Variants in CNTN1 observed in about 807,000 individuals in gnomAD.
The protein encoded by CNTN1 is contactin-1.
In CNTN1, 38 loss-of-function variants were observed where a neutral mutation model predicts 126.4. The ratio of observed to expected loss-of-function variants is 0.30; its 90% CI spans 0.23 to 0.39. CNTN1 has a LOEUF of 0.39. CNTN1 is among the 10% of genes least tolerant of loss of function. The pLI is 1.00. For synonymous variants in CNTN1, 413 were observed against 422.6 expected (o/e 0.98, Z 0.28); for missense variants, 1,009 against 1,248.4 (o/e 0.81, Z 2.89).
intron 23 of CNTN1, among the ~76,000 whole-genome samples, chr12:41,038,777 G>C (rs1322722198): frequency 6.6e-6 from 1 of 152,068 alleles, no homozygotes; most frequent in African/African-American, 2.4e-5. Flanking sequence ...ATAAAGTTTT[G>C]TCAGATAGTG....
intron 9 of CNTN1, among the ~76,000 whole-genome samples, chr12:40,935,496 A>T (rs1303427254): frequency 6.6e-6 from 1 of 152,120 alleles, no homozygotes; most frequent in Non-Finnish European, 1.5e-5. Context: ...AGGTCTGATC[A>T]CATCACTAGA....
chr12:41,059,248 C>T (rs1034809488), intron 23 of CNTN1, among the ~76,000 whole-genome samples: 4 of 152,010 alleles, frequency 2.6e-5, no homozygotes, highest in Non-Finnish European at 4.4e-5. Context: ...ACAGGTGAAT[C>T]ACTCATTTGT....
At chr12:41,056,811 A>G (rs1408219146) in intron 23 of CNTN1, among the ~76,000 whole-genome samples, 3 of 150,282 alleles carry the variant, frequency 2.0e-5, no homozygotes, top group African/African-American at 7.3e-5. Flanking sequence ...CCAATTATAT[A>G]GTCCAATTAA....
intron 1 of CNTN1, among the ~76,000 whole-genome samples, chr12:40,876,153 A>T (rs1008615853): frequency 6.6e-6 from 1 of 151,388 alleles, no homozygotes; most frequent in South Asian, 2.1e-4. Context: ...AAAAAAAAAA[A>T]CCCAGAAAAC....
intron 23 of CNTN1, among the ~76,000 whole-genome samples, chr12:41,034,756 C>T (rs917704208): frequency 1.3e-5 from 2 of 152,162 alleles, no homozygotes; most frequent in Non-Finnish European, 2.9e-5. Context: ...TGAATCATGA[C>T]TAATCACTCA....
chr12:40,765,051 TTTATA>T (rs1330834280), intron 1 of CNTN1, among the ~76,000 whole-genome samples: 4 of 151,422 alleles, frequency 2.6e-5, no homozygotes, highest in African/African-American at 7.2e-5. Flanking sequence ...GGTACAATAT[TTTATA>T]TTATATATAT....
At chr12:40,704,907 A>C (rs1280657757) in intron 1 of CNTN1, among the ~76,000 whole-genome samples, 1 of 152,186 alleles carries the variant, frequency 6.6e-6, no homozygotes, top group Non-Finnish European at 1.5e-5. Context: ...ACTGACCTAA[A>C]TGATTGTTAG....
chr12:40,935,111 T>A (rs939155899), intron 9 of CNTN1, among the ~76,000 whole-genome samples: 1 of 152,036 alleles, frequency 6.6e-6, no homozygotes, highest in Non-Finnish European at 1.5e-5. Context: ...AGACACACTC[T>A]GTACCCTGAA....
rs56852774 is a variant in CNTN1 at position 40,947,782 on chromosome 12, TACACACACACACACAC to T, written c.1683+3644_1683+3659del. On this transcript the variant is annotated intron_variant, in intron 14 of 23. Transcript: ENST00000551295. ...ACTATTTCATATATATATATATATA[TACACACACACACACAC>T]ACACACACACACACACACACACACA... 6.7e-5 allele frequency among the ~76,000 whole-genome samples: 8 copies of T among 118,920 alleles called. No homozygotes were observed. The East Asian group carries it at 6.9e-4, about 10-fold the overall frequency. The allele number at this position is 118,920 out of a possible 152,430, so 78.0% of individuals were successfully genotyped here.
chr12:40,797,290 C>T (rs937519827), intron 1 of CNTN1, among the ~76,000 whole-genome samples: 9 of 152,064 alleles, frequency 5.9e-5, no homozygotes, highest in Non-Finnish European at 8.8e-5. Context: ...CACAGGACAC[C>T]TAACCTATCC....
intron 15 of CNTN1, among the ~76,000 whole-genome samples, chr12:40,965,674 A>G (rs1003899857): frequency 6.6e-6 from 1 of 152,150 alleles, no homozygotes; most frequent in Admixed American, 6.6e-5. Context: ...GACCTTGGAT[A>G]TTAGTGAGGG....
chr12:40,718,118 A>G (rs1395846443), intron 1 of CNTN1, among the ~76,000 whole-genome samples: 1 of 152,138 alleles, frequency 6.6e-6, no homozygotes, highest in Non-Finnish European at 1.5e-5. Context: ...ATTTGAAACC[A>G]AGAACATGCT....
rs747622294 is a variant in CNTN1, at chr12:40,959,146, T to C, written c.1716T>C (p.Asn572=). The C allele has an allele frequency of 6.8e-6, 11 of 1,612,688 alleles. No individual in the cohort carries two copies. The highest frequency in any genetic ancestry group is 6.6e-5 in the South Asian group (6 of 91,068). The change falls in exon 15 of 24, where the codon AAT becomes AAC. Residue 572 remains asparagine, a synonymous_variant. Transcript: ENST00000551295. Reference sequence around the variant, plus strand: ...CCAATGGGGAATTACTAATCCGAAATGCGCAGCTGAAACATGCTGGAAGAT... The same window carrying C: ...CCAATGGGGAATTACTAATCCGAAACGCGCAGCTGAAACATGCTGGAAGAT... ...LDSNGELLIR[N]AQLKHAGRYT... is the part of the protein sequence containing the mutation.
At chr12:41,029,862 C>T (rs539835474) in intron 23 of CNTN1, among the ~76,000 whole-genome samples, 6 of 151,862 alleles carry the variant, frequency 4.0e-5, no homozygotes, top group Non-Finnish European at 7.4e-5. Flanking sequence ...ATTTCTCACA[C>T]CTTTGTTTGA....
chr12:40,743,113 T>C (rs1162526610), intron 1 of CNTN1, among the ~76,000 whole-genome samples: 3 of 152,032 alleles, frequency 2.0e-5, no homozygotes, highest in African/African-American at 7.2e-5. Context: ...TTGTGAAGGA[T>C]GTCTAGGGAG....
In CNTN1 at chr12:40,985,857, GTGTC is replaced by G. The variant is rs1231806613; in HGVS notation, c.1963+4794_1963+4797del. ...TCCACAGATAATGGACAGTGTGTGT[GTGTC>G]TGTGTGTGTGTGTGTGCACGCACGC... On this transcript the variant is annotated intron_variant, in intron 16 of 23. Transcript: ENST00000551295. 2.6e-5 allele frequency among the ~76,000 whole-genome samples: 4 copies of G among 152,162 alleles called. No individual in the cohort carries two copies. The South Asian group carries it at 8.3e-4, about 32-fold the overall frequency.
chr12:40,963,344 GTTTA>G (rs1395490020), intron 15 of CNTN1, among the ~76,000 whole-genome samples: 2 of 151,932 alleles, frequency 1.3e-5, no homozygotes, highest in African/African-American at 2.4e-5. Context: ...TTTAGTGAAA[GTTTA>G]TTTTTTTCCT....
At chr12:41,061,849 C>G (rs1290379962) in intron 23 of CNTN1, 3 of 455,286 alleles carry the variant, frequency 6.6e-6, no homozygotes, top group African/African-American at 6.0e-5. Flanking sequence ...TTCTCTGTTG[C>G]TAAAGTTATA....
At chr12:40,758,568 C>T (rs1201253037) in intron 1 of CNTN1, among the ~76,000 whole-genome samples, 1 of 152,062 alleles carries the variant, frequency 6.6e-6, no homozygotes, top group African/African-American at 2.4e-5. Flanking sequence ...TTTTGCATCC[C>T]AGCAAACTGT....
Sources: allele counts gnomAD v4.1 joint callset (sites outside exome capture counted in the v4.1 genomes callset), GRCh38; gene constraint gnomAD v4.1.1; transcripts MANE v1.5; gene names NCBI Gene and HGNC (gene_info 2026-07-23, HGNC 2026-07-21).